Variants in PGCKA1 observed in about 807,000 individuals in gnomAD.
PGCKA1 encodes the protein PDCD10 and GCKIII kinases-associated protein 1.
At chr4:37,545,165 G>A in the PGCKA1 span, among the ~76,000 whole-genome samples, 326 of 152,162 alleles carry the variant, frequency 2.1e-3, no homozygotes, top group African/African-American at 7.4e-3. Context: ...CAGGTTGCTT[G>A]GTTTTAATCT....
At chr4:37,478,350 C>T in the PGCKA1 span, among the ~76,000 whole-genome samples, 2 of 151,968 alleles carry the variant, frequency 1.3e-5, no homozygotes, top group Non-Finnish European at 2.9e-5. Context: ...TCTCTAGGCC[C>T]GGAGCCAGTT....
the PGCKA1 span, among the ~76,000 whole-genome samples, chr4:37,571,355 C>CATTTTTTTTTTTTTT: frequency 2.6e-5 from 2 of 78,036 alleles, no homozygotes. Flanking sequence ...GACTATTATC[C>CATTTTTTTTTTTTTT]TTTTTTTTTT....
At chr4:37,542,458 A>G in the PGCKA1 span, among the ~76,000 whole-genome samples, 5 of 152,260 alleles carry the variant, frequency 3.3e-5, no homozygotes, top group Admixed American at 3.3e-4. Context: ...ATTTGCTAAC[A>G]GACCACGGAA....
the PGCKA1 span, among the ~76,000 whole-genome samples, chr4:37,563,854 G>A: frequency 6.6e-6 from 1 of 152,282 alleles, no homozygotes; most frequent in Middle Eastern, 3.4e-3. Context: ...CAGCTACTTA[G>A]CAAAATCAGA....
At chr4:37,462,962 C>CAAAAAAAAAAA in the PGCKA1 span, among the ~76,000 whole-genome samples, 2 of 60,302 alleles carry the variant, frequency 3.3e-5, no homozygotes, top group Non-Finnish European at 6.3e-5. Context: ...GACTCAGTAT[C>CAAAAAAAAAAA]AAAAAAAAAA....
At chr4:37,579,104 T>A in the PGCKA1 span, among the ~76,000 whole-genome samples, 2 of 152,002 alleles carry the variant, frequency 1.3e-5, no homozygotes, top group Non-Finnish European at 2.9e-5. Flanking sequence ...GATAACAACT[T>A]AGCATTGCTT....
At chr4:37,480,274 C>T in the PGCKA1 span, among the ~76,000 whole-genome samples, 1 of 152,202 alleles carries the variant, frequency 6.6e-6, no homozygotes, top group Non-Finnish European at 1.5e-5. Context: ...GGGTGGATCA[C>T]TTAAGATCAG....
At chr4:37,476,505 TG>T in the PGCKA1 span, among the ~76,000 whole-genome samples, 1 of 152,200 alleles carries the variant, frequency 6.6e-6, no homozygotes, top group African/African-American at 2.4e-5. Flanking sequence ...TATCTGCTCA[TG>T]TTTATGCAGG....
chr4:37,498,395 T>G, the PGCKA1 span, among the ~76,000 whole-genome samples: 2 of 152,170 alleles, frequency 1.3e-5, no homozygotes, highest in African/African-American at 4.8e-5. Context: ...GGGATCTCTT[T>G]TGGTTCCATA....
chr4:37,545,019 C>A, the PGCKA1 span, among the ~76,000 whole-genome samples: 1 of 151,960 alleles, frequency 6.6e-6, no homozygotes, highest in African/African-American at 2.4e-5. Context: ...CCACACCTGG[C>A]TAATTTTTGT....
the PGCKA1 span, among the ~76,000 whole-genome samples, chr4:37,529,942 T>G: frequency 6.6e-6 from 1 of 152,196 alleles, no homozygotes; most frequent in African/African-American, 2.4e-5. Flanking sequence ...TAAAAAATAA[T>G]GTAAGCCTTT....
At chr4:37,554,099 G>T in the PGCKA1 span, among the ~76,000 whole-genome samples, 2 of 152,104 alleles carry the variant, frequency 1.3e-5, no homozygotes, top group Non-Finnish European at 2.9e-5. Flanking sequence ...TCATGATACT[G>T]AATAAATCTC....
chr4:37,582,117 G>A, the PGCKA1 span, among the ~76,000 whole-genome samples: 34 of 152,198 alleles, frequency 2.2e-4, no homozygotes, highest in Non-Finnish European at 3.7e-4. Context: ...CTCTCTCCAC[G>A]ACATGCAGCC....
chr4:37,575,839 C>T, the PGCKA1 span, among the ~76,000 whole-genome samples: 2 of 152,118 alleles, frequency 1.3e-5, no homozygotes, highest in Non-Finnish European at 2.9e-5. Context: ...TTCCCAGCAC[C>T]ATTTACTGAG....
the PGCKA1 span, among the ~76,000 whole-genome samples, chr4:37,485,167 G>A: frequency 2.0e-5 from 3 of 152,122 alleles, no homozygotes; most frequent in African/African-American, 7.2e-5. Flanking sequence ...AGTCCCAAAT[G>A]AATAACAAAC....
chr4:37,541,796 A>G, the PGCKA1 span, among the ~76,000 whole-genome samples: 9 of 152,126 alleles, frequency 5.9e-5, no homozygotes, highest in African/African-American at 1.9e-4. Flanking sequence ...ATTAACCTCA[A>G]TAGGGAAGGC....
At chr4:37,518,340 C>T in the PGCKA1 span, among the ~76,000 whole-genome samples, 1 of 152,146 alleles carries the variant, frequency 6.6e-6, no homozygotes, top group Non-Finnish European at 1.5e-5. Flanking sequence ...CATTGAGGAA[C>T]CTCCAAACCA....
the PGCKA1 span, among the ~76,000 whole-genome samples, chr4:37,546,827 G>A: frequency 6.6e-6 from 1 of 152,360 alleles, no homozygotes; most frequent in African/African-American, 2.4e-5. Context: ...AATTGCCCCG[G>A]TGGAACGCCT....
the PGCKA1 span, among the ~76,000 whole-genome samples, chr4:37,568,792 C>A: frequency 6.6e-6 from 1 of 152,134 alleles, no homozygotes; most frequent in Non-Finnish European, 1.5e-5. Context: ...GTTGAAGTTC[C>A]CCTTTTTTCC....
Sources: allele counts gnomAD v4.1 joint callset (sites outside exome capture counted in the v4.1 genomes callset), GRCh38; gene constraint gnomAD v4.1.1; transcripts MANE v1.5; gene names NCBI Gene and HGNC (gene_info 2026-07-23, HGNC 2026-07-21).